RNF43: variants seen among roughly 807,000 people sequenced by gnomAD.
RNF43 encodes ring finger protein 43, also known as E3 ubiquitin-protein ligase RNF43.
RNF43 carries 37 observed loss-of-function variants against 78.4 expected under a neutral mutation model. The observed-to-expected ratio is 0.47, with a 90% CI of 0.36 to 0.62. RNF43 has a LOEUF of 0.62. RNF43 is among the 20% of genes least tolerant of loss of function. RNF43 has a pLI of 0.00. For synonymous variants in RNF43, 347 were observed against 395.0 expected (o/e 0.88, Z 1.44); for missense variants, 774 against 1,007.9 (o/e 0.77, Z 3.14).
At chr17:58,376,962 C>G (rs564034793) in intron 2 of RNF43, among the ~76,000 whole-genome samples, 1 of 152,118 alleles carries the variant, frequency 6.6e-6, no homozygotes, top group African/African-American at 2.4e-5. Context: ...ATATTTTATA[C>G]CCCCTGTGTA....
chr17:58,363,635 C>A (rs2143475233), intron 3 of RNF43, 35 bp from the exon 4 acceptor site: 1 of 1,577,350 alleles, frequency 6.3e-7, no homozygotes. Flanking sequence ...GGGCTGAGGT[C>A]AGGGAAGGAC....
In RNF43 at chr17:58,358,258, G is replaced by A. The variant is rs1352943460; in HGVS notation, c.1518C>T (p.Asp506=). Reference sequence around the variant, plus strand: ...CTTTAGGGCTGCAGTACACTAGGGGGTCAAAGTCACTGCTTAGGGAGCTGC... The same window carrying A: ...CTTTAGGGCTGCAGTACACTAGGGGATCAAAGTCACTGCTTAGGGAGCTGC... ...TFCSSLSSDF[D]PLVYCSPKGD... is the part of the protein sequence containing the mutation. Residue 506 remains aspartate (D), a synonymous_variant, in exon 9 of 10, where the codon GAC becomes GAT. Transcript: ENST00000407977. This position sits in a 1 kb window ranked among gnomAD's most constrained non-coding sequence, Gnocchi z 6.2. 6.2e-7 allele frequency: 1 copy of A among 1,614,048 alleles called. No homozygotes were observed. Among genetic ancestry groups the A allele is most frequent in the Non-Finnish European group, 8.5e-7 (1 of 1,179,988 alleles).
intron 2 of RNF43, among the ~76,000 whole-genome samples, chr17:58,407,006 A>G (rs1329676075): frequency 6.6e-6 from 1 of 151,808 alleles, no homozygotes; most frequent in Non-Finnish European, 1.5e-5. Flanking sequence ...ATTTAAAGCA[A>G]CAACAACAAA....
intron 2 of RNF43, among the ~76,000 whole-genome samples, chr17:58,384,164 C>T (rs1046520370): frequency 6.6e-6 from 1 of 152,120 alleles, no homozygotes; most frequent in African/African-American, 2.4e-5. Context: ...TCTTGCTAAG[C>T]GCAAATAGTA....
intron 2 of RNF43, among the ~76,000 whole-genome samples, chr17:58,390,445 G>C (rs1973528788): frequency 6.6e-6 from 1 of 152,088 alleles, no homozygotes; most frequent in African/African-American, 2.4e-5. Flanking sequence ...TTGGGATTCT[G>C]GTGTAAAGAG....
In RNF43 at chr17:58,358,561, C is replaced by A. The variant is rs1448040339; in HGVS notation, c.1215G>T (p.Leu405=). Residue 405 remains leucine, a synonymous_variant, in exon 9 of 10, where the codon CTG becomes CTT. Transcript: ENST00000407977. The surrounding 1 kb of genome is among the most constrained non-coding windows in gnomAD (Gnocchi z 6.2). ...GTGCATAGGGGTGCTGGGCTCCTGC[C>A]AGGCGCTGCTGCTCTCCTGGAGCCC... is the stretch of plus-strand genomic sequence containing the variant. ...HPRAPGEQQR[L]AGAQHPYAQG... is the part of the protein sequence containing the mutation. 1.2e-6 allele frequency: 2 copies of A among 1,607,662 alleles called. No individual in the cohort carries two copies. Among genetic ancestry groups the A allele is most frequent in the South Asian group, 1.1e-5 (1 of 90,082 alleles).
intron 2 of RNF43, among the ~76,000 whole-genome samples, chr17:58,373,695 T>C (rs1567881977): frequency 6.6e-6 from 1 of 152,242 alleles, no homozygotes; most frequent in Non-Finnish European, 1.5e-5. Context: ...TTAGTTATTT[T>C]TAAATGTACA....
At chr17:58,414,666 A>G (rs770714108) in intron 2 of RNF43, among the ~76,000 whole-genome samples, 3 of 152,236 alleles carry the variant, frequency 2.0e-5, no homozygotes, top group Non-Finnish European at 4.4e-5. Flanking sequence ...TGTCTGAAAA[A>G]CTTGGCGGAT....
rs1170377023 is a variant in RNF43, at chr17:58,357,303, C to CAGCA, written c.2308+164_2308+165insTGCT. ...GGCAGAGGTGGGGTGTTCCTGCACT[C>CAGCA]TAGCCAGCATGATACGCTGTCCCGA... On this transcript the variant is annotated intron_variant, in intron 9 of 9. Transcript: ENST00000407977. This position sits in a 1 kb window ranked among gnomAD's most constrained non-coding sequence, Gnocchi z 4.5. 3.3e-6 allele frequency: 3 copies of CAGCA among 902,218 alleles called. No homozygotes were observed. 55.9% of individuals were successfully genotyped at this position (902,218 alleles called of 1,614,324 possible). A position where few individuals can be genotyped will look rare whatever the true frequency, so the allele number is the denominator to read the frequency against.
intron 9 of RNF43, chr17:58,356,973 A>C: frequency 2.0e-6 from 1 of 491,550 alleles, no homozygotes; most frequent in Non-Finnish European, 3.6e-6. Flanking sequence ...GGCTCACTGC[A>C]ACTTCCGCCT....
chr17:58,369,419 G>C (rs1257544186), intron 3 of RNF43, among the ~76,000 whole-genome samples: 1 of 152,198 alleles, frequency 6.6e-6, no homozygotes, highest in African/African-American at 2.4e-5. Flanking sequence ...CCTGCCATGG[G>C]ATGAGGTAAG....
chr17:58,357,186 A>G lies in RNF43; in HGVS notation c.2308+282T>C, dbSNP rs1302441036. ...TGGGATTACAGGCATGAGCCATCAC[A>G]CCCGGCCTTCCAAGTGCCTTTCTGA... is the stretch of plus-strand genomic sequence containing the variant. On this transcript the variant is annotated intron_variant, in intron 9 of 9. Transcript: ENST00000407977. This position sits in a 1 kb window ranked among gnomAD's most constrained non-coding sequence, Gnocchi z 4.5. The G allele has an allele frequency of 1.4e-6, 1 of 701,966 alleles. No individual in the cohort carries two copies. The highest frequency in any genetic ancestry group is 2.6e-6 in the Non-Finnish European group (1 of 385,432). 43.5% of individuals were successfully genotyped at this position (701,966 alleles called of 1,614,324 possible).
At chr17:58,380,038 GC>G (rs1261315177) in intron 2 of RNF43, among the ~76,000 whole-genome samples, 1 of 152,154 alleles carries the variant, frequency 6.6e-6, no homozygotes, top group Non-Finnish European at 1.5e-5. Flanking sequence ...AAGTTCTGAG[GC>G]CTGTGAAGAT....
At position 58,358,201 on chromosome 17, in the gene RNF43, A is replaced by G; in HGVS notation, c.1575T>C (p.Ser525=). ...CCAAGGAACGAGGCCGAGAGGTCACACTAGGCTGCATGTCCACTCGCTGGG... is the reference window on the plus strand; with the variant it reads ...CCAAGGAACGAGGCCGAGAGGTCACGCTAGGCTGCATGTCCACTCGCTGGG... ...GDPQRVDMQP[S]VTSRPRSLDS... is the part of the protein sequence containing the mutation. The change falls in exon 9 of 10, where the codon AGT becomes AGC. Residue 525 remains serine (S), a synonymous_variant. Transcript: ENST00000407977. This position sits in a 1 kb window ranked among gnomAD's most constrained non-coding sequence, Gnocchi z 6.2. The G allele has an allele frequency of 1.2e-6, 2 of 1,613,298 alleles. No individual in the cohort carries two copies. Among genetic ancestry groups the G allele is most frequent in the Non-Finnish European group, 1.7e-6 (2 of 1,179,590 alleles).
intron 2 of RNF43, among the ~76,000 whole-genome samples, chr17:58,380,391 G>A (rs1214098406): frequency 6.6e-6 from 1 of 152,154 alleles, no homozygotes; most frequent in Non-Finnish European, 1.5e-5. Flanking sequence ...TCTGAGGCAT[G>A]GTCTTAACTC....
At chr17:58,408,827 T>A (rs1973967228) in intron 2 of RNF43, among the ~76,000 whole-genome samples, 1 of 152,176 alleles carries the variant, frequency 6.6e-6, no homozygotes, top group East Asian at 1.9e-4. Context: ...AATAAATATT[T>A]ACTGAGTACC....
At chr17:58,389,106 A>C (rs1379165857) in intron 2 of RNF43, among the ~76,000 whole-genome samples, 3 of 152,226 alleles carry the variant, frequency 2.0e-5, no homozygotes, top group Admixed American at 2.0e-4. Context: ...AACTAGTGCA[A>C]TGAAGAGAAA....
At chr17:58,395,231 G>A (rs1973652054) in intron 2 of RNF43, among the ~76,000 whole-genome samples, 1 of 152,182 alleles carries the variant, frequency 6.6e-6, no homozygotes, top group South Asian at 2.1e-4. Context: ...CAATGACTTT[G>A]AGACAGCCAA....
rs1200794291 is a variant in RNF43 at position 58,378,944 on chromosome 17, AG to A, written c.253-7912del. Among the ~76,000 whole-genome samples the A allele has an allele frequency of 2.6e-5, 4 of 152,254 alleles. No homozygotes were observed. The South Asian group carries it at 6.2e-4, about 24-fold the overall frequency. On this transcript the variant is annotated intron_variant, in intron 2 of 9. Transcript: ENST00000407977. ...TGAATCCAGTTGCCACGTAGTTTAT[AG>A]AAGAGATGTAAATTGCTAACAGCTG...
Sources: allele counts gnomAD v4.1 joint callset (sites outside exome capture counted in the v4.1 genomes callset), GRCh38; gene constraint gnomAD v4.1.1; non-coding constraint Gnocchi (gnomAD v3.1); transcripts MANE v1.5; gene names NCBI Gene and HGNC (gene_info 2026-07-23, HGNC 2026-07-21).